RREB1: variants seen among roughly 807,000 people sequenced by gnomAD.
The protein encoded by RREB1 is ras responsive element binding protein 1.
Under a neutral mutation model 117.8 loss-of-function variants are expected in RREB1, and 27 were observed. The ratio of observed to expected loss-of-function variants is 0.23; its 90% CI spans 0.17 to 0.32. RREB1 has a LOEUF of 0.32. Ranked by LOEUF, RREB1 falls within the 10% of genes least tolerant of loss-of-function variation. The probability of loss-of-function intolerance (pLI) is 1.00; values close to 1 mark genes in which losing one functional copy is unlikely to be tolerated. For missense variants in RREB1, 2,577 were observed against 2,378.2 expected (o/e 1.08, Z -1.74); for synonymous variants, 1,298 against 1,026.7 (o/e 1.26, Z -5.05).
intron 1 of RREB1, among the ~76,000 whole-genome samples, chr6:7,110,496 G>GTGTGTGTGTGTGTGTA (rs1249756690): frequency 1.3e-5 from 2 of 152,116 alleles, no homozygotes; most frequent in Admixed American, 6.5e-5. Context: ...GTGTGTGTGT[G>GTGTGTGTGTGTGTGTA]TATGTGTTTA....
At chr6:7,179,236 A>G (rs1764663008) in intron 2 of RREB1, among the ~76,000 whole-genome samples, 1 of 152,186 alleles carries the variant, frequency 6.6e-6, no homozygotes. Flanking sequence ...TAACTCTACC[A>G]CATTTTTCTT....
intron 1 of RREB1, chr6:7,108,604 C>CA (rs1760956347): frequency 6.6e-6 from 1 of 152,330 alleles, no homozygotes; most frequent in South Asian, 2.1e-4. Flanking sequence ...TCCTCCCCCC[C>CA]ATGTGGGAGG....
At chr6:7,169,733 A>G (rs1282774488) in intron 1 of RREB1, among the ~76,000 whole-genome samples, 1 of 152,224 alleles carries the variant, frequency 6.6e-6, no homozygotes, top group Non-Finnish European at 1.5e-5. Context: ...AAAGCTTATC[A>G]CTGGGACTGT....
At chr6:7,188,252 T>TGTGTGTGC (rs1411771705) in intron 5 of RREB1, among the ~76,000 whole-genome samples, 44 of 147,668 alleles carry the variant, frequency 3.0e-4, no homozygotes, top group African/African-American at 8.0e-4. Context: ...TGTGTGTGTG[T>TGTGTGTGC]GCGCGCGCGC....
intron 10 of RREB1, among the ~76,000 whole-genome samples, chr6:7,238,978 C>A (rs1375615538): frequency 6.6e-6 from 1 of 152,184 alleles, no homozygotes; most frequent in Non-Finnish European, 1.5e-5. Context: ...ATGAATGGCG[C>A]CCCCTGGAGT....
At chr6:7,128,260 A>G (rs1039288661) in intron 1 of RREB1, among the ~76,000 whole-genome samples, 2 of 152,126 alleles carry the variant, frequency 1.3e-5, no homozygotes, top group African/African-American at 4.8e-5. Context: ...ATTGTTGGCG[A>G]ACATTTTTTG....
intron 10 of RREB1, among the ~76,000 whole-genome samples, chr6:7,238,020 G>C (rs577006815): frequency 3.9e-4 from 59 of 152,150 alleles, no homozygotes; most frequent in African/African-American, 1.4e-3. Context: ...CATGTGACAG[G>C]GGGGAGCGAG....
intron 1 of RREB1, among the ~76,000 whole-genome samples, chr6:7,155,143 TGAG>T (rs1204332775): frequency 1.3e-5 from 2 of 152,234 alleles, no homozygotes; most frequent in Non-Finnish European, 2.9e-5. Context: ...TTCAGGCTTA[TGAG>T]AAGAAAGGCC....
intron 8 of RREB1, chr6:7,217,191 ATG>A (rs1317244319): frequency 6.6e-6 from 1 of 152,350 alleles, no homozygotes; most frequent in East Asian, 1.9e-4. Flanking sequence ...GGAGAGAAGA[ATG>A]TGTGAGTTGG....
chr6:7,233,378 T>C (rs1768118358), intron 10 of RREB1, among the ~76,000 whole-genome samples: 1 of 152,224 alleles, frequency 6.6e-6, no homozygotes, highest in Non-Finnish European at 1.5e-5. Flanking sequence ...TATTCAGTGA[T>C]TTGTGTTATT....
chr6:7,228,182 A>G (rs1338141721), intron 9 of RREB1, among the ~76,000 whole-genome samples: 1 of 152,140 alleles, frequency 6.6e-6, no homozygotes, highest in African/African-American at 2.4e-5. Flanking sequence ...ATTGTTCCAT[A>G]TACACACACC....
chr6:7,193,897 G>T (rs1377221667), intron 6 of RREB1, among the ~76,000 whole-genome samples: 1 of 152,186 alleles, frequency 6.6e-6, no homozygotes, highest in Non-Finnish European at 1.5e-5. Context: ...TGATTGGGAC[G>T]CACAGACTGT....
intron 1 of RREB1, among the ~76,000 whole-genome samples, chr6:7,164,011 C>T (rs1404386542): frequency 2.6e-5 from 4 of 152,126 alleles, no homozygotes; most frequent in South Asian, 2.1e-4. Flanking sequence ...GGGCCCCTAT[C>T]GGGGCTGGGT....
intron 7 of RREB1, 98 bp downstream of exon 7, chr6:7,211,046 AC>A: frequency 8.1e-7 from 1 of 1,227,974 alleles, no homozygotes; most frequent in Non-Finnish European, 1.2e-6. Context: ...TGGCAGACAT[AC>A]ATCCTAAGCT....
intron 1 of RREB1, among the ~76,000 whole-genome samples, chr6:7,140,337 G>A (rs962350188): frequency 6.6e-6 from 1 of 152,200 alleles, no homozygotes; most frequent in African/African-American, 2.4e-5. Context: ...CACTTATCGT[G>A]GTGATTCTTA....
chr6:7,165,569 A>T (rs1447368036), intron 1 of RREB1, among the ~76,000 whole-genome samples: 1 of 152,086 alleles, frequency 6.6e-6, no homozygotes, highest in Non-Finnish European at 1.5e-5. Flanking sequence ...CCCATTACAT[A>T]CTGGGTTACA....
chr6:7,223,333 G>C (rs147287945), intron 8 of RREB1, among the ~76,000 whole-genome samples: 2 of 150,914 alleles, frequency 1.3e-5, no homozygotes, highest in Non-Finnish European at 2.9e-5. Context: ...AGGCCGAGGC[G>C]GGCAGATCAG....
intron 1 of RREB1, among the ~76,000 whole-genome samples, chr6:7,159,613 T>TATCTC (rs1763549500): frequency 6.6e-6 from 1 of 152,222 alleles, no homozygotes; most frequent in African/African-American, 2.4e-5. Flanking sequence ...TGAGATGGTT[T>TATCTC]ATCTCATCTC....
At chr6:7,210,525 T>C (rs1360817785) in intron 6 of RREB1, among the ~76,000 whole-genome samples, 1 of 152,214 alleles carries the variant, frequency 6.6e-6, no homozygotes, top group East Asian at 1.9e-4. Flanking sequence ...GGTCACCAGA[T>C]AGTTTGTTTC....
Sources: gnomAD v4.1 joint callset for allele counts (sites outside exome capture counted in the v4.1 genomes callset) on GRCh38, gnomAD v4.1.1 for gene constraint, MANE v1.5 for transcripts, NCBI Gene and HGNC (gene_info 2026-07-23, HGNC 2026-07-21) for gene names.